LGSN: variants seen among roughly 807,000 people sequenced by gnomAD.
LGSN encodes lengsin.
In LGSN, 21 loss-of-function variants were observed where a neutral mutation model predicts 19.5. The observed-to-expected ratio is 1.07, with a 90% CI of 0.76 to 1.55. The LOEUF (loss-of-function observed/expected upper bound fraction) is 1.55, where lower values mean the gene tolerates loss of function less well. Among genes scored for constraint, LGSN ranks in the 40% most tolerant of loss-of-function variants. The pLI is 0.00. For synonymous variants in LGSN, 257 were observed against 215.6 expected (o/e 1.19, Z -1.68); for missense variants, 673 against 608.5 (o/e 1.11, Z -1.12).
the LGSN span, among the ~76,000 whole-genome samples, chr6:63,519,481 C>T: frequency 6.6e-6 from 1 of 152,020 alleles, no homozygotes; most frequent in Non-Finnish European, 1.5e-5. Context: ...CCTGTCTTAC[C>T]AGGTGAGGGA....
the LGSN span, among the ~76,000 whole-genome samples, chr6:63,563,583 C>T: frequency 6.6e-6 from 1 of 152,328 alleles, no homozygotes; most frequent in African/African-American, 2.4e-5. Context: ...TGCTTATTTA[C>T]TTGTTATTTT....
At chr6:63,308,251 G>T (rs528762516) in intron 1 of LGSN, among the ~76,000 whole-genome samples, 1 of 152,142 alleles carries the variant, frequency 6.6e-6, no homozygotes, top group South Asian at 2.1e-4. Context: ...TTCCACTATC[G>T]TTTCGTCAGA....
chr6:63,544,545 C>T, the LGSN span, among the ~76,000 whole-genome samples: 17 of 152,164 alleles, frequency 1.1e-4, no homozygotes, highest in Non-Finnish European at 2.2e-4. Flanking sequence ...AAGTAACATC[C>T]TTTATAGTAA....
chr6:63,356,714 G>A, the LGSN span, among the ~76,000 whole-genome samples: 1 of 152,136 alleles, frequency 6.6e-6, no homozygotes, highest in Non-Finnish European at 1.5e-5. Flanking sequence ...CCTAGGAGAA[G>A]AGATATCTTC....
chr6:63,298,169 G>A (rs574607392), intron 1 of LGSN, among the ~76,000 whole-genome samples: 67 of 152,238 alleles, frequency 4.4e-4, no homozygotes, highest in South Asian at 1.5e-3. Context: ...CAACCCCCAG[G>A]AGCACTGAGT....
At chr6:63,364,404 C>T in the LGSN span, among the ~76,000 whole-genome samples, 47 of 152,216 alleles carry the variant, frequency 3.1e-4, no homozygotes, top group East Asian at 6.9e-3. Context: ...AATATATATG[C>T]GCCCAATACA....
the LGSN span, among the ~76,000 whole-genome samples, chr6:63,432,789 G>A: frequency 1.3e-5 from 2 of 151,900 alleles, no homozygotes; most frequent in African/African-American, 2.4e-5. Flanking sequence ...AAACCCAAAA[G>A]ATTACTGAAT....
the LGSN span, among the ~76,000 whole-genome samples, chr6:63,456,394 CT>C: frequency 3.6e-3 from 224 of 62,116 alleles, 1 homozygote; most frequent in South Asian, 7.0e-3. Flanking sequence ...TATATATATA[CT>C]TTTTTTTTTT....
the LGSN span, among the ~76,000 whole-genome samples, chr6:63,514,877 T>A: frequency 1.3e-5 from 2 of 151,968 alleles, no homozygotes; most frequent in Non-Finnish European, 2.9e-5. Flanking sequence ...ATTTTTTTTT[T>A]ATTTTATGTA....
the LGSN span, among the ~76,000 whole-genome samples, chr6:63,366,449 C>T: frequency 6.6e-6 from 1 of 152,156 alleles, no homozygotes. Context: ...AGGACAGAAA[C>T]AAATGGAAGA....
At chr6:63,420,359 G>T in the LGSN span, among the ~76,000 whole-genome samples, 1 of 152,210 alleles carries the variant, frequency 6.6e-6, no homozygotes, top group African/African-American at 2.4e-5. Context: ...CAACTGATAT[G>T]CCATTCCATG....
chr6:63,557,573 T>C, the LGSN span, among the ~76,000 whole-genome samples: 3 of 151,850 alleles, frequency 2.0e-5, no homozygotes, highest in Admixed American at 1.3e-4. Flanking sequence ...TTCATAAAAA[T>C]AAAAATATAA....
At chr6:63,502,710 C>A in the LGSN span, among the ~76,000 whole-genome samples, 3 of 152,216 alleles carry the variant, frequency 2.0e-5, no homozygotes, top group South Asian at 2.1e-4. Context: ...ACGAGTAAAT[C>A]CTGAAATTTG....
At chr6:63,507,850 C>T in the LGSN span, among the ~76,000 whole-genome samples, 2 of 152,004 alleles carry the variant, frequency 1.3e-5, no homozygotes, top group African/African-American at 4.8e-5. Context: ...CTGAATTATG[C>T]ATTTTTGTAT....
chr6:63,466,388 T>C, the LGSN span, among the ~76,000 whole-genome samples: 1 of 152,062 alleles, frequency 6.6e-6, no homozygotes, highest in African/African-American at 2.4e-5. Context: ...GCCTCCCAAG[T>C]AGCTAGGACT....
upstream of LGSN, among the ~76,000 whole-genome samples, chr6:63,324,672 G>A (rs772348145): frequency 6.6e-5 from 10 of 151,986 alleles, no homozygotes; most frequent in South Asian, 2.1e-4. Context: ...TGGTCACTGG[G>A]TCAATGAAGA....
chr6:63,516,819 T>C, the LGSN span, among the ~76,000 whole-genome samples: 1 of 152,184 alleles, frequency 6.6e-6, no homozygotes, highest in Non-Finnish European at 1.5e-5. Flanking sequence ...AGCTAGAATA[T>C]GGACATGAAG....
the LGSN span, among the ~76,000 whole-genome samples, chr6:63,553,350 GT>G: frequency 6.6e-6 from 1 of 152,204 alleles, no homozygotes; most frequent in African/African-American, 2.4e-5. Context: ...AGAATCTCCT[GT>G]GGTCACTGAA....
At chr6:63,419,329 T>G in the LGSN span, among the ~76,000 whole-genome samples, 1 of 152,138 alleles carries the variant, frequency 6.6e-6, no homozygotes, top group Non-Finnish European at 1.5e-5. Flanking sequence ...CAAAATCCAA[T>G]GTGTTGATTT....
Sources: gnomAD v4.1 joint callset for allele counts (sites outside exome capture counted in the v4.1 genomes callset) on GRCh38, gnomAD v4.1.1 for gene constraint, MANE v1.5 for transcripts, NCBI Gene and HGNC (gene_info 2026-07-23, HGNC 2026-07-21) for gene names.